Variants in ADAMTS9 observed in about 807,000 individuals in gnomAD.
The protein encoded by ADAMTS9 is A disintegrin and metalloproteinase with thrombospondin motifs 9.
ADAMTS9 carries 107 observed loss-of-function variants against 257.1 expected under a neutral mutation model. The observed-to-expected ratio is 0.42, with a 90% CI of 0.36 to 0.49. The LOEUF is 0.49. ADAMTS9 is among the 20% of genes least tolerant of loss of function. The pLI is 0.03. For synonymous variants in ADAMTS9, 982 were observed against 880.9 expected (o/e 1.11, Z -2.03); for missense variants, 2,353 against 2,469.1 (o/e 0.95, Z 1.00).
intron 28 of ADAMTS9, chr3:64,589,536 G>C (rs760817507): frequency 2.0e-5 from 3 of 152,162 alleles, no homozygotes; most frequent in Non-Finnish European, 4.4e-5. Context: ...ATGTGTATTT[G>C]CTTAATTTGG....
intron 32 of ADAMTS9, among the ~76,000 whole-genome samples, chr3:64,544,797 C>A (rs916160429): frequency 2.6e-5 from 4 of 152,068 alleles, no homozygotes; most frequent in African/African-American, 9.7e-5. Context: ...TTCTGCACAG[C>A]AAAAGAAACT....
intron 26 of ADAMTS9, among the ~76,000 whole-genome samples, chr3:64,600,400 A>G (rs1576102328): frequency 6.6e-6 from 1 of 152,346 alleles, no homozygotes; most frequent in East Asian, 1.9e-4. Context: ...AATGAGGAAA[A>G]GAATGGTATT....
chr3:64,663,390 G>T (rs987774725), intron 3 of ADAMTS9, among the ~76,000 whole-genome samples: 8 of 150,666 alleles, frequency 5.3e-5, no homozygotes, highest in Non-Finnish European at 1.2e-4. Context: ...GAAGAGTACT[G>T]CAGTGAGAAC....
chr3:64,664,449 G>T (rs1647661934), intron 3 of ADAMTS9, among the ~76,000 whole-genome samples: 1 of 151,988 alleles, frequency 6.6e-6, no homozygotes, highest in African/African-American at 2.4e-5. Context: ...CCTTTCCTCA[G>T]CCCCTGGCAA....
At position 64,518,171 on chromosome 3, in the gene ADAMTS9, T is replaced by C. The variant is rs113478660; in HGVS notation, c.*6-1050A>G. 4.5e-3 allele frequency among the ~76,000 whole-genome samples: 686 copies of C among 152,308 alleles called. 2 individuals are homozygous for C. The highest frequency in any genetic ancestry group is 0.015 in the African/African-American group (639 of 41,578). On this transcript the variant is annotated intron_variant, in intron 39 of 39. Coordinates refer to ENST00000498707, the MANE Select transcript of ADAMTS9 (RefSeq NM_182920.2). ...ACATTTAAGAGGCAATCATTGCTGA[T>C]TGATGAAGAAAGAGAGTACTGATGA... is the stretch of plus-strand genomic sequence containing the variant.
At chr3:64,598,746 A>G (rs1448093813) in intron 26 of ADAMTS9, among the ~76,000 whole-genome samples, 4 of 152,162 alleles carry the variant, frequency 2.6e-5, no homozygotes, top group Non-Finnish European at 5.9e-5. Context: ...TGGTATAAAT[A>G]GATTTGTCAT....
intron 3 of ADAMTS9, among the ~76,000 whole-genome samples, chr3:64,676,937 C>T (rs1255393209): frequency 2.0e-5 from 3 of 152,194 alleles, no homozygotes; most frequent in Non-Finnish European, 4.4e-5. Flanking sequence ...CAGCCTTCTT[C>T]CCTGCCTTTC....
At chr3:64,630,552 C>T (rs1022576327) in intron 16 of ADAMTS9, among the ~76,000 whole-genome samples, 7 of 152,076 alleles carry the variant, frequency 4.6e-5, no homozygotes, top group East Asian at 1.9e-4. Flanking sequence ...ACTCCAGCCT[C>T]GGTGACAGAG....
chr3:64,567,375 C>T (rs2083570941), intron 29 of ADAMTS9, among the ~76,000 whole-genome samples: 1 of 152,158 alleles, frequency 6.6e-6, no homozygotes, highest in Non-Finnish European at 1.5e-5. Flanking sequence ...ACCGGAAATA[C>T]AGTAAAACTT....
chr3:64,554,506 C>T lies in ADAMTS9; in HGVS notation c.4699-3444G>A, dbSNP rs1161834240. On this transcript the variant is annotated intron_variant, in intron 30 of 39. Coordinates refer to ENST00000498707, the MANE Select transcript of ADAMTS9 (RefSeq NM_182920.2). ...ATCAGCTTTTTGTAATATGGCTTCC[C>T]CCTCAACCCTCTACGATTTATGACT... 2.0e-5 allele frequency among the ~76,000 whole-genome samples: 3 copies of T among 152,154 alleles called. No individual in the cohort carries two copies. In the East Asian group the frequency reaches 5.8e-4, roughly 29 times the overall value.
Position 64,618,855 on chromosome 3 carries a change from G to A in ADAMTS9, c.2813+2259C>T, listed in dbSNP as rs1700031241. ...TTTACACAAAAACTCATGGCTTCGG[G>A]GGTACCTTTTAATGTATTAGCTTTA... On this transcript the variant is annotated intron_variant, in intron 19 of 39. Transcript: ENST00000498707. 2.0e-5 allele frequency among the ~76,000 whole-genome samples: 3 copies of A among 151,984 alleles called. No homozygotes were observed. The South Asian group carries it at 6.2e-4, about 32-fold the overall frequency.
intron 28 of ADAMTS9, among the ~76,000 whole-genome samples, chr3:64,577,355 G>C (rs940226888): frequency 1.3e-5 from 2 of 152,056 alleles, no homozygotes; most frequent in Non-Finnish European, 2.9e-5. Flanking sequence ...CCCTTTCAAG[G>C]TTTACCGGGT....
intron 23 of ADAMTS9, among the ~76,000 whole-genome samples, chr3:64,604,615 T>G (rs528674672): frequency 6.6e-6 from 1 of 152,356 alleles, no homozygotes; most frequent in Non-Finnish European, 1.5e-5. Flanking sequence ...AGAAAAAATA[T>G]TGTAAAAGGA....
chr3:64,558,859 G>A (rs1375170625), intron 30 of ADAMTS9, among the ~76,000 whole-genome samples: 1 of 152,204 alleles, frequency 6.6e-6, no homozygotes, highest in East Asian at 1.9e-4. Flanking sequence ...TCAGTGGGCT[G>A]AGAGGCTGCC....
At chr3:64,631,113 C>T (rs993243255) in intron 16 of ADAMTS9, among the ~76,000 whole-genome samples, 2 of 152,138 alleles carry the variant, frequency 1.3e-5, no homozygotes, top group Non-Finnish European at 2.9e-5. Context: ...CAAGTCAGTT[C>T]CCCACAGGAC....
intron 3 of ADAMTS9, among the ~76,000 whole-genome samples, chr3:64,679,285 C>T (rs1003562548): frequency 2.6e-5 from 4 of 152,018 alleles, no homozygotes; most frequent in Admixed American, 1.3e-4. Flanking sequence ...CTTTCTGCCC[C>T]CTCTCTCTTT....
At chr3:64,549,099 A>G (rs1424462958) in intron 31 of ADAMTS9, among the ~76,000 whole-genome samples, 1 of 152,202 alleles carries the variant, frequency 6.6e-6, no homozygotes, top group East Asian at 1.9e-4. Flanking sequence ...TGCTGGTGCC[A>G]GTCCCTTTCG....
At position 64,516,323 on chromosome 3, in the gene ADAMTS9, G is replaced by C. The variant is rs1327136153; in HGVS notation, c.*804C>G. The C allele has an allele frequency of 6.6e-6, 1 of 152,470 alleles. No individual in the cohort carries two copies. Among genetic ancestry groups the C allele is most frequent in the East Asian group, 1.9e-4 (1 of 5,174 alleles). The allele number at this position is 152,470 out of a possible 1,614,324, so 9.4% of individuals were successfully genotyped here. A position where few individuals can be genotyped will look rare whatever the true frequency, so the allele number is the denominator to read the frequency against. On this transcript the variant is annotated 3_prime_UTR_variant, in exon 40 of 40. Coordinates refer to ENST00000498707, the MANE Select transcript of ADAMTS9 (RefSeq NM_182920.2). ...TCCATTTGATTGTGGAGAGACCAAGGCACCGTGGGCTGAAGCAACGAATAT... is the reference window on the plus strand; with the variant it reads ...TCCATTTGATTGTGGAGAGACCAAGCCACCGTGGGCTGAAGCAACGAATAT...
At chr3:64,621,794 A>G (rs1468411372) in intron 18 of ADAMTS9, among the ~76,000 whole-genome samples, 1 of 93,296 alleles carries the variant, frequency 1.1e-5, no homozygotes, top group South Asian at 4.9e-4. Context: ...ATAAAAAAAT[A>G]AAAAGAAAAG....
Sources: gnomAD v4.1 joint callset for allele counts (sites outside exome capture counted in the v4.1 genomes callset) on GRCh38, gnomAD v4.1.1 for gene constraint, MANE v1.5 for transcripts, NCBI Gene and HGNC (gene_info 2026-07-23, HGNC 2026-07-21) for gene names.